SPATA13: variants seen among roughly 807,000 people sequenced by gnomAD.
SPATA13 encodes spermatogenesis-associated protein 13.
Under a neutral mutation model 104.0 loss-of-function variants are expected in SPATA13, and 50 were observed. The observed-to-expected ratio is 0.48, with a 90% CI of 0.38 to 0.61. The LOEUF (loss-of-function observed/expected upper bound fraction) is 0.61, where lower values mean the gene tolerates loss of function less well. Ranked by LOEUF, SPATA13 falls within the 20% of genes least tolerant of loss-of-function variation. SPATA13 has a pLI of 0.00. For synonymous variants in SPATA13, 606 were observed against 667.5 expected, an observed-to-expected ratio of 0.91 and a Z score of 1.42; for missense variants, 1,524 against 1,690.6, an observed-to-expected ratio of 0.90 and a Z score of 1.73.
intron 3 of SPATA13, among the ~76,000 whole-genome samples, chr13:24,045,894 C>T (rs1412801865): frequency 6.6e-6 from 1 of 152,146 alleles, no homozygotes; most frequent in African/African-American, 2.4e-5. Flanking sequence ...CCTCATTTCC[C>T]TAATCTGGAG....
At chr13:24,183,702 AG>A (rs1868954978) in intron 1 of SPATA13, among the ~76,000 whole-genome samples, 1 of 151,734 alleles carries the variant, frequency 6.6e-6, no homozygotes, top group East Asian at 1.9e-4. Flanking sequence ...GGCCCAGGGA[AG>A]CCAAAAGATT....
intron 2 of SPATA13, among the ~76,000 whole-genome samples, chr13:24,239,895 C>CT (rs1331734376): frequency 6.6e-6 from 1 of 151,722 alleles, no homozygotes; most frequent in Non-Finnish European, 1.5e-5. Context: ...CCTCTATATT[C>CT]TTTAGCATGT....
rs1179355592 is a variant in SPATA13 at position 24,286,986 on chromosome 13, AG to A, written c.2667+37del. On this transcript the variant is annotated intron_variant, in intron 7 of 12. Coordinates refer to ENST00000382108, the MANE Select transcript of SPATA13 (RefSeq NM_001166271.3). The surrounding 1 kb of genome is among the most constrained non-coding windows in gnomAD (Gnocchi z 4.9). ...AGGCTGGGACCTCACTGAGGGTCAC[AG>A]TATGAGGCTGCATGAGGTGCCTGGG... 1.9e-6 allele frequency: 3 copies of A among 1,586,466 alleles called. No homozygotes were observed. The South Asian group carries it at 3.4e-5, about 18-fold the overall frequency.
In SPATA13 at chr13:23,999,368, C is replaced by CAAA. The variant is rs34668799; in HGVS notation, c.-147+15454_-147+15456dup. 3.4e-4 allele frequency among the ~76,000 whole-genome samples: 32 copies of CAAA among 94,380 alleles called. 4 individuals are homozygous for CAAA. Among genetic ancestry groups the CAAA allele is most frequent in the African/African-American group, 4.1e-4 (10 of 24,288 alleles). 61.9% of individuals were successfully genotyped at this position (94,380 alleles called of 152,430 possible). On this transcript the variant is annotated intron_variant, in intron 2 of 14. Transcript: ENST00000424834. ...TTAGAAACAGATCCTCATTTTCTACCAAAAAAAAAAAAAAAAAAAAAGCCT... is the reference window on the plus strand; with the variant it reads ...TTAGAAACAGATCCTCATTTTCTACCAAAAAAAAAAAAAAAAAAAAAAAAGCCT...
intron 3 of SPATA13, among the ~76,000 whole-genome samples, chr13:24,019,062 A>G (rs1430300738): frequency 6.6e-6 from 1 of 150,594 alleles, no homozygotes; most frequent in Non-Finnish European, 1.5e-5. Flanking sequence ...AGGGGCTCCT[A>G]AGTTATATGA....
intron 3 of SPATA13, chr13:24,122,633 G>C (rs751946140): frequency 1.1e-5 from 14 of 1,291,682 alleles, no homozygotes; most frequent in Non-Finnish European, 1.5e-5. Context: ...GAACCTTTTT[G>C]CACATACTGT....
chr13:24,054,653 G>GA (rs1212283816), intron 3 of SPATA13, among the ~76,000 whole-genome samples: 4 of 152,176 alleles, frequency 2.6e-5, no homozygotes, highest in African/African-American at 9.7e-5. Context: ...GTACAGAAGA[G>GA]AAAATATGTG....
At chr13:24,091,087 T>G (rs1271975493) in intron 3 of SPATA13, among the ~76,000 whole-genome samples, 1 of 152,162 alleles carries the variant, frequency 6.6e-6, no homozygotes, top group Non-Finnish European at 1.5e-5. Flanking sequence ...ACTGGTCAGT[T>G]TTTCAGCCTT....
chr13:24,227,283 T>A (rs569060904), intron 2 of SPATA13, among the ~76,000 whole-genome samples: 65 of 152,360 alleles, frequency 4.3e-4, no homozygotes, highest in Admixed American at 8.5e-4. Context: ...ATTATTTTTT[T>A]AAAAATCATT....
At chr13:24,106,721 G>A (rs1880466857) in intron 3 of SPATA13, among the ~76,000 whole-genome samples, 1 of 152,196 alleles carries the variant, frequency 6.6e-6, no homozygotes, top group African/African-American at 2.4e-5. Flanking sequence ...AGTTCAAGGT[G>A]AGGGCCATGT....
chr13:24,103,906 G>A (rs1380970967), intron 3 of SPATA13, among the ~76,000 whole-genome samples: 3 of 152,110 alleles, frequency 2.0e-5, no homozygotes, highest in Admixed American at 6.5e-5. Flanking sequence ...TAAAGGGAGT[G>A]TCCTCACACC....
Position 24,302,827 on chromosome 13 carries a change from G to T in SPATA13, c.*54G>T, listed in dbSNP as rs1280421561. 6.2e-7 allele frequency: 1 copy of T among 1,609,056 alleles called. No homozygotes were observed. The highest frequency in any genetic ancestry group is 1.1e-5 in the South Asian group (1 of 90,982). ...GGGTGTCAAGAGAAGAACTGTCTTTGTTTCTTGTGTGCTTCAATCCAGGGA... is the reference window on the plus strand; with the variant it reads ...GGGTGTCAAGAGAAGAACTGTCTTTTTTTCTTGTGTGCTTCAATCCAGGGA... On this transcript the variant is annotated 3_prime_UTR_variant, in exon 13 of 13. Transcript: ENST00000382108.
At chr13:23,991,791 C>A (rs569149672) in intron 2 of SPATA13, among the ~76,000 whole-genome samples, 1 of 151,966 alleles carries the variant, frequency 6.6e-6, no homozygotes, top group African/African-American at 2.4e-5. Context: ...GAGTTGGGGG[C>A]AGGTGGGCTG....
intron 3 of SPATA13, among the ~76,000 whole-genome samples, chr13:24,096,324 C>T (rs373876833): frequency 9.2e-5 from 14 of 152,164 alleles, no homozygotes; most frequent in African/African-American, 2.4e-4. Flanking sequence ...GCCTGGGTGC[C>T]GTGGCTCACG....
chr13:24,041,934 A>G (rs1017153463), intron 3 of SPATA13, among the ~76,000 whole-genome samples: 3 of 152,234 alleles, frequency 2.0e-5, no homozygotes, highest in African/African-American at 7.2e-5. Flanking sequence ...TATCTGACAC[A>G]CAGTCCTCGC....
intron 4 of SPATA13, among the ~76,000 whole-genome samples, chr13:24,271,334 C>T (rs1874594851): frequency 6.6e-6 from 1 of 151,938 alleles, no homozygotes; most frequent in South Asian, 2.1e-4. Context: ...CATGAAATTC[C>T]TTTATTCAAT....
chr13:24,298,835 A>C (rs1876975007), intron 11 of SPATA13, among the ~76,000 whole-genome samples: 1 of 152,150 alleles, frequency 6.6e-6, no homozygotes, highest in Non-Finnish European at 1.5e-5. Context: ...AGGGATTTAC[A>C]AGTTGGTCAG....
rs77762812 is a variant in SPATA13, at chr13:24,045,438, T to A, written c.-112+27737T>A. Reference sequence around the variant, plus strand: ...AACATTTTTTTCTCTCAGTTTAAATTGCTGCGACATGAAAACATCAAATGC... The same window carrying A: ...AACATTTTTTTCTCTCAGTTTAAATAGCTGCGACATGAAAACATCAAATGC... On this transcript the variant is annotated intron_variant, in intron 3 of 14. Coordinates refer to the SPATA13 transcript ENST00000424834. Among the ~76,000 whole-genome samples the A allele has an allele frequency of 5.3e-3, 769 of 146,276 alleles. 10 individuals carry two copies. Among genetic ancestry groups the A allele is most frequent in the African/African-American group, 0.018 (701 of 39,316 alleles).
intron 3 of SPATA13, chr13:24,123,907 T>C (rs2137827388): frequency 1.6e-6 from 1 of 619,572 alleles, no homozygotes; most frequent in Middle Eastern, 4.4e-4. Context: ...TCATTGTTAA[T>C]TCCCTAACTC....
Sources: allele counts gnomAD v4.1 joint callset (sites outside exome capture counted in the v4.1 genomes callset), GRCh38; gene constraint gnomAD v4.1.1; non-coding constraint Gnocchi (gnomAD v3.1); transcripts MANE v1.5; gene names NCBI Gene and HGNC (gene_info 2026-07-23, HGNC 2026-07-21).